PLAG1: variants seen among roughly 807,000 people sequenced by gnomAD.
PLAG1 encodes the protein PLAG1 zinc finger.
Under a neutral mutation model 35.5 loss-of-function variants are expected in PLAG1, and 7 were observed. The ratio of observed to expected loss-of-function variants is 0.20; its 90% CI spans 0.11 to 0.37. PLAG1 has a LOEUF of 0.37. Among genes scored for constraint, PLAG1 ranks in the 10% least tolerant of loss-of-function variants. The probability of loss-of-function intolerance (pLI) is 1.00; values close to 1 mark genes in which losing one functional copy is unlikely to be tolerated. For missense variants in PLAG1, 454 were observed against 602.8 expected, an observed-to-expected ratio of 0.75 and a Z score of 2.58; for synonymous variants, 229 against 225.4, an observed-to-expected ratio of 1.02 and a Z score of -0.14.
In PLAG1 at chr8:56,164,878, C is replaced by A; in HGVS notation, c.*1365G>T. 4.8e-6 allele frequency: 1 copy of A among 210,270 alleles called. No individual in the cohort carries two copies. Among genetic ancestry groups the A allele is most frequent in the Non-Finnish European group, 9.7e-6 (1 of 103,470 alleles). The allele number at this position is 210,270 out of a possible 1,614,324, so 13.0% of individuals were successfully genotyped here. Reference sequence around the variant, plus strand: ...CAAACTCAACTTATTTGCAATACTCCTATCATTTCCCAGAGATGCATGAAA... The same window carrying A: ...CAAACTCAACTTATTTGCAATACTCATATCATTTCCCAGAGATGCATGAAA... On this transcript the variant is annotated 3_prime_UTR_variant, in exon 5 of 5. Coordinates refer to ENST00000316981, the MANE Select transcript of PLAG1 (RefSeq NM_002655.3).
At chr8:56,180,104 T>A (rs1054653822) in intron 1 of PLAG1, among the ~76,000 whole-genome samples, 1 of 152,220 alleles carries the variant, frequency 6.6e-6, no homozygotes, top group African/African-American at 2.4e-5. Context: ...CTCAACGACA[T>A]ACAAAGAAAA....
intron 2 of PLAG1, among the ~76,000 whole-genome samples, chr8:56,176,419 T>TG (rs1035024811): frequency 1.3e-4 from 3 of 23,248 alleles, no homozygotes; most frequent in African/African-American, 5.4e-4. Context: ...GGGGTGGGGG[T>TG]GGGGGGTTCC....
rs151260595 is a variant in PLAG1, at chr8:56,166,278, T to C, written c.1468A>G (p.Thr490Ala). ...AAFTSSLSTSTTLPRFHQAFQ is the reference protein window; with the variant it reads ...AAFTSSLSTSATLPRFHQAFQ ...GCTTGATGGAAACGTGGGAGGGTGG[T>C]ACTTGTGCTTAAACTGCTGGTGAAA... The change falls in exon 5 of 5, where the codon ACC becomes GCC. Residue 490 changes from threonine to alanine, a missense_variant. Around this residue, in one of 4 missense-constraint regions of PLAG1, gnomAD observed 271 missense variants for 315.6 expected, o/e 0.86. Transcript: ENST00000316981. 13 of 1,606,574 alleles carry C rather than the reference T, an allele frequency of 8.1e-6. No individual in the cohort carries two copies. The highest frequency in any genetic ancestry group is 1.1e-5 in the Non-Finnish European group (13 of 1,176,956).
intron 1 of PLAG1, among the ~76,000 whole-genome samples, chr8:56,202,186 G>A: frequency 6.6e-6 from 1 of 152,118 alleles, no homozygotes; most frequent in East Asian, 1.9e-4. Context: ...ATACTTAGCA[G>A]TTGAAGACCA....
chr8:56,185,770 G>C (rs1209070049), intron 1 of PLAG1, among the ~76,000 whole-genome samples: 4 of 152,198 alleles, frequency 2.6e-5, no homozygotes, highest in Non-Finnish European at 5.9e-5. Context: ...CTGGAACTGA[G>C]ACCTACGGAT....
intron 2 of PLAG1, among the ~76,000 whole-genome samples, chr8:56,178,613 C>T (rs896269298): frequency 2.1e-4 from 32 of 152,134 alleles, no homozygotes; most frequent in African/African-American, 7.5e-4. Context: ...TTGTGAAACC[C>T]TGCCCAAGGC....
Position 56,179,513 on chromosome 8 carries a change from C to A in PLAG1, c.-321G>T. ...CGGCCAAGGCAGCACCAAGAGGCAA[C>A]CTAAAAAGAAAAGAAGAGTTAGTTT... On this transcript the variant is annotated splice_region_variant and 5_prime_UTR_variant, in exon 2 of 5. Coordinates refer to ENST00000316981, the MANE Select transcript of PLAG1 (RefSeq NM_002655.3). 1.1e-6 allele frequency: 1 copy of A among 924,896 alleles called. No individual in the cohort carries two copies. 57.3% of individuals were successfully genotyped at this position (924,896 alleles called of 1,614,324 possible).
At chr8:56,208,919 C>T (rs930763915) in intron 1 of PLAG1, among the ~76,000 whole-genome samples, 14 of 152,194 alleles carry the variant, frequency 9.2e-5, no homozygotes, top group Non-Finnish European at 1.9e-4. Flanking sequence ...CGCAAAGTTA[C>T]AACCCATGCA....
At chr8:56,204,040 T>C (rs1012169157) in intron 1 of PLAG1, among the ~76,000 whole-genome samples, 1 of 151,980 alleles carries the variant, frequency 6.6e-6, no homozygotes, top group Non-Finnish European at 1.5e-5. Flanking sequence ...GTCATAACAA[T>C]CCAAATATAT....
Position 56,165,853 on chromosome 8 carries a change from A to G in PLAG1, c.*390T>C, listed in dbSNP as rs141959330. 3.5e-3 allele frequency: 690 copies of G among 198,580 alleles called. 8 individuals carry two copies. Among genetic ancestry groups the G allele is most frequent in the African/African-American group, 0.015 (657 of 43,548 alleles). 12.3% of individuals were successfully genotyped at this position (198,580 alleles called of 1,614,324 possible). A position where few individuals can be genotyped will look rare whatever the true frequency, so the allele number is the denominator to read the frequency against. ...AAACTTTTTATACAATTTACATTCT[A>G]TTGCTAAATTTTTTAATGAGCCAGA... On this transcript the variant is annotated 3_prime_UTR_variant, in exon 5 of 5. Coordinates refer to ENST00000316981, the MANE Select transcript of PLAG1 (RefSeq NM_002655.3).
chr8:56,209,353 G>A (rs1293726833), intron 1 of PLAG1: 1 of 152,144 alleles, frequency 6.6e-6, no homozygotes, highest in Non-Finnish European at 1.5e-5. Flanking sequence ...ATCCATCTTC[G>A]GTTGAGGCTG....
At chr8:56,194,889 A>T (rs973443073) in intron 1 of PLAG1, among the ~76,000 whole-genome samples, 58 of 152,184 alleles carry the variant, frequency 3.8e-4, no homozygotes, top group African/African-American at 1.4e-3. Context: ...GGGACCAAAC[A>T]CAATCCCATA....
chr8:56,198,703 C>T (rs960769297), intron 1 of PLAG1, among the ~76,000 whole-genome samples: 11 of 152,162 alleles, frequency 7.2e-5, no homozygotes, highest in African/African-American at 2.4e-4. Flanking sequence ...ATCATTCAGG[C>T]CTCTATACAA....
chr8:56,173,851 G>A (rs551195510), intron 2 of PLAG1, among the ~76,000 whole-genome samples: 1 of 152,060 alleles, frequency 6.6e-6, no homozygotes, highest in African/African-American at 2.4e-5. Context: ...TTTATCTTCC[G>A]ATGTTTTACA....
At chr8:56,211,039 C>G (rs980816186) in intron 1 of PLAG1, 82 bp downstream of exon 1, 8 of 152,652 alleles carry the variant, frequency 5.2e-5, no homozygotes, top group Admixed American at 1.3e-4. Flanking sequence ...TCTGCCCCCT[C>G]GGCTAGTCCC....
At position 56,188,990 on chromosome 8, in the gene PLAG1, C is replaced by T. The variant is rs184323930; in HGVS notation, c.-321-9477G>A. 2.6e-3 allele frequency among the ~76,000 whole-genome samples: 393 copies of T among 152,274 alleles called. 2 individuals carry two copies. The highest frequency in any genetic ancestry group is 9.0e-3 in the African/African-American group (372 of 41,560). On this transcript the variant is annotated intron_variant, in intron 1 of 4. Coordinates refer to ENST00000316981, the MANE Select transcript of PLAG1 (RefSeq NM_002655.3). The stretch of plus-strand genomic sequence containing the variant: ...CTCTTGGTTCTGTCTGCAATATCTT[C>T]CACTGGGTCCCAGTGAAGGCCACAA...
chr8:56,176,211 G>A (rs1253627815), intron 2 of PLAG1, among the ~76,000 whole-genome samples: 7 of 151,908 alleles, frequency 4.6e-5, no homozygotes, highest in Middle Eastern at 3.4e-3. Flanking sequence ...CATCATACCC[G>A]GCTAATTTTT....
In PLAG1 at chr8:56,195,802, C is replaced by A. The variant is rs150176504; in HGVS notation, c.-322+15319G>T. On this transcript the variant is annotated intron_variant, in intron 1 of 4. Transcript: ENST00000316981. ...GGTGCAAGCCGGGAGGGGGCCAGCG[C>A]CCAGGGAACCCTGGGTTGGTGAGAA... Among the ~76,000 whole-genome samples the A allele has an allele frequency of 5.7e-4, 87 of 152,188 alleles. 1 individual carries two copies. Among genetic ancestry groups the A allele is most frequent in the Middle Eastern group, 6.8e-3 (2 of 294 alleles).
intron 2 of PLAG1, among the ~76,000 whole-genome samples, chr8:56,172,498 G>T (rs1169259846): frequency 2.0e-5 from 3 of 152,228 alleles, no homozygotes; most frequent in East Asian, 3.9e-4. Context: ...GTTTTTTGTA[G>T]GGTAATTACG....
Sources: gnomAD v4.1 joint callset for allele counts (sites outside exome capture counted in the v4.1 genomes callset) on GRCh38, gnomAD v4.1.1 for gene constraint, gnomAD v4.1.1 regional missense constraint, MANE v1.5 for transcripts, NCBI Gene and HGNC (gene_info 2026-07-23, HGNC 2026-07-21) for gene names.